Variants in DENND5A observed in about 807,000 individuals in gnomAD.
The protein encoded by DENND5A is DENN domain-containing protein 5A.
DENND5A carries 64 observed loss-of-function variants against 140.3 expected under a neutral mutation model. The ratio of observed to expected loss-of-function variants is 0.46; its 90% CI spans 0.37 to 0.56. The LOEUF is 0.56. Ranked by LOEUF, DENND5A falls within the 20% of genes least tolerant of loss-of-function variation. The probability of loss-of-function intolerance (pLI) is 0.00; values close to 1 mark genes in which losing one functional copy is unlikely to be tolerated. For synonymous variants in DENND5A, 605 were observed against 607.7 expected (o/e 1.00, Z 0.07); for missense variants, 1,292 against 1,593.8 (o/e 0.81, Z 3.22).
intron 3 of DENND5A, among the ~76,000 whole-genome samples, chr11:9,205,454 C>T (rs1376345092): frequency 1.3e-5 from 2 of 152,154 alleles, no homozygotes; most frequent in Non-Finnish European, 2.9e-5. Context: ...GAAATAAACG[C>T]TAGACTAGGA....
At chr11:9,182,772 G>C (rs1848774863) in intron 5 of DENND5A, among the ~76,000 whole-genome samples, 1 of 152,124 alleles carries the variant, frequency 6.6e-6, no homozygotes, top group Non-Finnish European at 1.5e-5. Context: ...TGGCAAGGAG[G>C]AGGAATAGAA....
intron 12 of DENND5A, among the ~76,000 whole-genome samples, chr11:9,152,867 G>A (rs1173546629): frequency 2.0e-5 from 3 of 151,812 alleles, no homozygotes; most frequent in Non-Finnish European, 4.4e-5. Context: ...AGCAGGATGT[G>A]GTGGTGCATG....
At chr11:9,169,975 C>T in intron 9 of DENND5A, 26 bp from the exon 10 acceptor site, 9 of 1,510,016 alleles carry the variant, frequency 6.0e-6, no homozygotes, top group Non-Finnish European at 8.3e-6. Flanking sequence ...CCAAAGCAGG[C>T]AATTAATAAT....
intron 1 of DENND5A, chr11:9,242,329 T>G: frequency 6.6e-6 from 1 of 152,194 alleles, no homozygotes; most frequent in Non-Finnish European, 1.5e-5. Context: ...AGACAATCAC[T>G]GATTGCAAGA....
chr11:9,234,097 G>A (rs1300715037), intron 1 of DENND5A, among the ~76,000 whole-genome samples: 3 of 151,414 alleles, frequency 2.0e-5, no homozygotes, highest in Non-Finnish European at 4.4e-5. Flanking sequence ...AGAATGGCTT[G>A]AATCCAGGAG....
chr11:9,238,081 T>C (rs1261972569), intron 1 of DENND5A, among the ~76,000 whole-genome samples: 2 of 152,230 alleles, frequency 1.3e-5, no homozygotes, highest in Non-Finnish European at 2.9e-5. Flanking sequence ...TTATCTCATA[T>C]ACAACATGTT....
intron 1 of DENND5A, among the ~76,000 whole-genome samples, chr11:9,262,738 T>A (rs1852259157): frequency 2.8e-5 from 1 of 35,444 alleles, no homozygotes; most frequent in African/African-American, 6.7e-5. Flanking sequence ...CTCATCAAAA[T>A]AATTTTTTTT....
intron 1 of DENND5A, among the ~76,000 whole-genome samples, chr11:9,241,716 A>T (rs569654819): frequency 6.6e-6 from 1 of 152,218 alleles, no homozygotes; most frequent in Non-Finnish European, 1.5e-5. Flanking sequence ...TGACCATCCT[A>T]TTAAAAGTAC....
chr11:9,191,324 T>G (rs887747123), intron 5 of DENND5A, among the ~76,000 whole-genome samples: 1 of 152,110 alleles, frequency 6.6e-6, no homozygotes, highest in Non-Finnish European at 1.5e-5. Context: ...CTGCAACCTC[T>G]GGCTCCGGGC....
rs772370380 is a variant in DENND5A, at chr11:9,180,809, C to G, written c.1413G>C (p.Arg471=). 1 of 1,614,076 alleles carries G rather than the reference C, an allele frequency of 6.2e-7. No individual in the cohort carries two copies. Among genetic ancestry groups the G allele is most frequent in the Non-Finnish European group, 8.5e-7 (1 of 1,180,042 alleles). Reference sequence around the variant, plus strand: ...CAGTTCTCTTGACCAAGGCTTGCAGCCGGGCAATAGTTTCATTCTCCTTAA... The same window carrying G: ...CAGTTCTCTTGACCAAGGCTTGCAGGCGGGCAATAGTTTCATTCTCCTTAA... ...ELLKENETIA[R]LQALVKRTGV... is the part of the protein sequence containing the mutation. Residue 471 remains arginine, a synonymous_variant, in exon 6 of 23, where the codon CGG becomes CGC. Coordinates refer to ENST00000328194, the MANE Select transcript of DENND5A (RefSeq NM_015213.4).
chr11:9,203,982 G>GA lies in DENND5A; in HGVS notation c.626dup (p.Ile210HisfsTer32). 1 of 1,614,180 alleles carries GA rather than the reference G, an allele frequency of 6.2e-7. No individual in the cohort carries two copies. The highest frequency in any genetic ancestry group is 1.1e-5 in the South Asian group (1 of 91,086). On this transcript the variant is annotated frameshift_variant, in exon 4 of 23. Transcript: ENST00000328194. LOFTEE classifies it high-confidence loss of function. Reference sequence around the variant, plus strand: ...CCTTCATGAAAGACATGGGTGTGATGAGGCAGATGCACTTAGAGACGTAGA... The same window carrying GA: ...CCTTCATGAAAGACATGGGTGTGATGAAGGCAGATGCACTTAGAGACGTAGA...
chr11:9,177,115 A>G (rs189576310), intron 8 of DENND5A, among the ~76,000 whole-genome samples: 124 of 151,970 alleles, frequency 8.2e-4, no homozygotes, highest in African/African-American at 2.9e-3. Context: ...TTAGCCAGGT[A>G]TGGTGGTATG....
intron 8 of DENND5A, chr11:9,175,763 T>C (rs1848527155): frequency 6.6e-6 from 1 of 152,012 alleles, no homozygotes; most frequent in Non-Finnish European, 1.5e-5. Context: ...AACAGATGAA[T>C]ATCTATATGA....
At chr11:9,170,002 A>G in intron 9 of DENND5A, 53 bp from the exon 10 acceptor site, 1 of 1,264,908 alleles carries the variant, frequency 7.9e-7, no homozygotes, top group Non-Finnish European at 1.2e-6. Context: ...CTTAAAAAGC[A>G]ATGTCAACTA....
intron 1 of DENND5A, among the ~76,000 whole-genome samples, chr11:9,222,536 G>A (rs2136237384): frequency 6.6e-6 from 1 of 152,142 alleles, no homozygotes; most frequent in Middle Eastern, 3.4e-3. Flanking sequence ...AGCATTAGAA[G>A]AAAAAAAGGC....
intron 4 of DENND5A, 58 bp downstream of exon 4, chr11:9,203,602 A>C: frequency 6.5e-7 from 1 of 1,543,570 alleles, no homozygotes; most frequent in Non-Finnish European, 8.7e-7. Flanking sequence ...ACTGTATCTG[A>C]ACATGGAAAG....
chr11:9,214,981 C>T (rs1346291604), intron 1 of DENND5A, among the ~76,000 whole-genome samples: 2 of 152,210 alleles, frequency 1.3e-5, no homozygotes, highest in African/African-American at 4.8e-5. Context: ...TCCACCTTGG[C>T]CTCCCAAAGT....
At chr11:9,243,291 C>A (rs1344724675) in intron 1 of DENND5A, among the ~76,000 whole-genome samples, 2 of 152,014 alleles carry the variant, frequency 1.3e-5, no homozygotes. Context: ...AGATAAAATT[C>A]AAAATGTACT....
chr11:9,174,515 TC>T (rs900666415), intron 8 of DENND5A, among the ~76,000 whole-genome samples: 24 of 138,676 alleles, frequency 1.7e-4, no homozygotes, highest in Admixed American at 3.5e-4. Context: ...GAAGGTTATT[TC>T]TTTTTTTTTT....
Sources: gnomAD v4.1 joint callset for allele counts (sites outside exome capture counted in the v4.1 genomes callset) on GRCh38, gnomAD v4.1.1 for gene constraint, MANE v1.5 for transcripts, NCBI Gene and HGNC (gene_info 2026-07-23, HGNC 2026-07-21) for gene names.